SIRT1: variants seen among roughly 807,000 people sequenced by gnomAD.
SIRT1 encodes the protein NAD-dependent protein deacetylase sirtuin-1.
SIRT1 carries 24 observed loss-of-function variants against 67.9 expected under a neutral mutation model. The observed-to-expected ratio is 0.35, with a 90% CI of 0.26 to 0.50. The LOEUF (loss-of-function observed/expected upper bound fraction) is 0.50, where lower values mean the gene tolerates loss of function less well. SIRT1 is among the 20% of genes least tolerant of loss of function. The pLI is 0.98. For missense variants in SIRT1, 873 were observed against 937.2 expected (o/e 0.93, Z 0.89); for synonymous variants, 378 against 350.7 (o/e 1.08, Z -0.87).
In SIRT1 at chr10:67,912,612, A is replaced by G. The variant is rs549636735; in HGVS notation, c.1496A>G (p.Lys499Arg). The change falls in exon 8 of 9, where the codon AAA becomes AGA. Residue 499 changes from lysine to arginine, a missense_variant. By Grantham distance (26) the Lys-to-Arg change is conservative. Coordinates refer to ENST00000212015, the MANE Select transcript of SIRT1 (RefSeq NM_012238.5). ...CATAGGTTAGGTGGTGAATATGCCA[A>G]ACTTTGCTGTAACCCTGTAAAGCTT... Reference protein sequence around the residue: ...LCHRLGGEYAKLCCNPVKLSE... With the variant: ...LCHRLGGEYARLCCNPVKLSE... 1.8e-5 allele frequency: 29 copies of G among 1,614,050 alleles called. No individual in the cohort carries two copies. In the South Asian group the frequency reaches 2.3e-4, roughly 13 times the overall value.
chr10:67,910,132 T>G (rs1367362192), intron 7 of SIRT1, among the ~76,000 whole-genome samples: 1 of 151,972 alleles, frequency 6.6e-6, no homozygotes, highest in African/African-American at 2.4e-5. Context: ...CTCAGCACTT[T>G]GGGAGGCCGA....
chr10:67,905,975 TG>T, intron 4 of SIRT1: 1 of 336,362 alleles, frequency 3.0e-6, no homozygotes, highest in Non-Finnish European at 5.1e-6. Context: ...CTGTAATGAA[TG>T]GTAAGGAAGT....
At chr10:67,913,946 ATGT>A (rs10564886) in intron 8 of SIRT1, among the ~76,000 whole-genome samples, 21,424 of 152,038 alleles carry the variant, frequency 0.14, 2,086 homozygotes, top group East Asian at 0.54. Context: ...ACAGTGATTA[ATGT>A]TGTGTATAAT....
chr10:67,888,341 A>G (rs73261333), intron 2 of SIRT1, among the ~76,000 whole-genome samples: 166 of 152,120 alleles, frequency 1.1e-3, no homozygotes, highest in African/African-American at 3.7e-3. Context: ...AAGCCTAGGG[A>G]GCTGGTTTGA....
chr10:67,903,527 G>C (rs34782695), intron 4 of SIRT1, among the ~76,000 whole-genome samples: 2,930 of 152,050 alleles, frequency 0.019, 91 homozygotes, highest in African/African-American at 0.067. Context: ...GGGACTACAG[G>C]CACCCGCCAC....
intron 4 of SIRT1, among the ~76,000 whole-genome samples, chr10:67,897,284 T>C (rs1842672927): frequency 8.3e-6 from 1 of 121,006 alleles, no homozygotes; most frequent in Non-Finnish European, 1.8e-5. Context: ...TTCTGAACTG[T>C]ATTTTGTTTT....
chr10:67,916,220 T>G lies in SIRT1; in HGVS notation c.1916-45T>G, dbSNP rs533559191. The G allele has an allele frequency of 2.0e-6, 3 of 1,515,650 alleles. No individual in the cohort carries two copies. In the South Asian group the frequency reaches 3.7e-5, roughly 19 times the overall value. The allele number at this position is 1,515,650 out of a possible 1,614,324, so 93.9% of individuals were successfully genotyped here. ...TCATTCCAGACTGCTCAGACTGAGT[T>G]AGTGTTAGAAAACTGAAAGTAACAT... On this transcript the variant is annotated intron_variant, in intron 8 of 8. Transcript: ENST00000212015.
intron 4 of SIRT1, among the ~76,000 whole-genome samples, chr10:67,892,119 A>G (rs1364751416): frequency 6.6e-6 from 1 of 152,204 alleles, no homozygotes; most frequent in Non-Finnish European, 1.5e-5. Flanking sequence ...CAATAAGTGT[A>G]GAAGACATAT....
intron 4 of SIRT1, chr10:67,906,437 T>G: frequency 1.2e-6 from 1 of 866,758 alleles, no homozygotes; most frequent in South Asian, 2.5e-5. Context: ...GTTTAAACTT[T>G]CCCATTTTTC....
At chr10:67,892,744 G>A (rs1842593247) in intron 4 of SIRT1, among the ~76,000 whole-genome samples, 1 of 152,074 alleles carries the variant, frequency 6.6e-6, no homozygotes, top group African/African-American at 2.4e-5. Flanking sequence ...TGGGATTACA[G>A]GCGCCCGCTA....
At chr10:67,914,597 C>T (rs1436793421) in intron 8 of SIRT1, among the ~76,000 whole-genome samples, 1 of 152,198 alleles carries the variant, frequency 6.6e-6, no homozygotes, top group Non-Finnish European at 1.5e-5. Flanking sequence ...TCTACCTATG[C>T]ACTAAGACTT....
At chr10:67,910,867 G>A (rs185780241) in intron 7 of SIRT1, among the ~76,000 whole-genome samples, 107 of 152,280 alleles carry the variant, frequency 7.0e-4, no homozygotes, top group Admixed American at 2.7e-3. Context: ...AGTTGCATCA[G>A]ATGTGTCCTT....
chr10:67,908,951 G>A (rs1054040198), intron 6 of SIRT1, among the ~76,000 whole-genome samples: 1 of 151,426 alleles, frequency 6.6e-6, no homozygotes, highest in African/African-American at 2.4e-5. Context: ...ATTTTTTTTT[G>A]AAAGGATCAA....
rs540966540 is a variant in SIRT1 at position 67,888,448 on chromosome 10, G to A, written c.548-434G>A. ...GTTAAGATCAAATTGAAAAATTACC[G>A]GAAAAAAATTAAGATGGCAGTTATG... On this transcript the variant is annotated intron_variant, in intron 2 of 8. Coordinates refer to ENST00000212015, the MANE Select transcript of SIRT1 (RefSeq NM_012238.5). Among the ~76,000 whole-genome samples, 5 of 152,134 alleles carry A rather than the reference G, an allele frequency of 3.3e-5. No individual in the cohort carries two copies. In the East Asian group the frequency reaches 7.7e-4, roughly 23 times the overall value.
At chr10:67,890,961 C>T (rs1589069592) in intron 3 of SIRT1, among the ~76,000 whole-genome samples, 1 of 140,540 alleles carries the variant, frequency 7.1e-6, no homozygotes, top group Non-Finnish European at 1.5e-5. Context: ...ACCCAGGAGG[C>T]GGAGCTTACA....
At chr10:67,890,851 A>G (rs1842559656) in intron 3 of SIRT1, among the ~76,000 whole-genome samples, 1 of 151,966 alleles carries the variant, frequency 6.6e-6, no homozygotes, top group Non-Finnish European at 1.5e-5. Context: ...TAACATGGTG[A>G]CACCCCGTCT....
At chr10:67,908,185 C>A in intron 6 of SIRT1, 60 bp downstream of exon 6, 1 of 1,423,944 alleles carries the variant, frequency 7.0e-7, no homozygotes, top group Non-Finnish European at 9.8e-7. Context: ...CTTCTTTTGC[C>A]TCAAAATCCT....
At chr10:67,887,598 CAG>C (rs1436200108) in intron 2 of SIRT1, 65 bp downstream of exon 2, 28 of 1,092,548 alleles carry the variant, frequency 2.6e-5, no homozygotes, top group African/African-American at 3.1e-5. Context: ...TGTTTTGAGA[CAG>C]AGTTTCGCTC....
Position 67,884,830 on chromosome 10 carries a change from C to G in SIRT1, c.109C>G (p.Pro37Ala), listed in dbSNP as rs1344714636. The change falls in exon 1 of 9, where the codon CCG (proline) becomes GCG (alanine). Residue 37 changes from proline (P) to alanine (A), a missense_variant. Around this residue, in one of 3 missense-constraint regions of SIRT1, gnomAD observed 327 missense variants for 283.9 expected, o/e 1.15. Transcript: ENST00000212015. ...CGCCGGGGAGCCGCTCCGCAAGAGG[C>G]CGCGGAGAGATGGTCCCGGCCTCGA... is the stretch of plus-strand genomic sequence containing the variant. ...SPAGEPLRKR[P>A]RRDGPGLERS... The G allele has an allele frequency of 3.3e-6, 4 of 1,222,442 alleles. No individual in the cohort carries two copies. In the East Asian group the frequency reaches 1.3e-4, roughly 39 times the overall value. 75.7% of individuals were successfully genotyped at this position (1,222,442 alleles called of 1,614,324 possible). A position where few individuals can be genotyped will look rare whatever the true frequency, so the allele number is the denominator to read the frequency against.
Sources: allele counts gnomAD v4.1 joint callset (sites outside exome capture counted in the v4.1 genomes callset), GRCh38; gene constraint gnomAD v4.1.1; regional missense constraint gnomAD v4.1.1; transcripts MANE v1.5; gene names NCBI Gene and HGNC (gene_info 2026-07-23, HGNC 2026-07-21).